SYNE2: variants seen among roughly 807,000 people sequenced by gnomAD.
SYNE2 encodes the protein spectrin repeat containing nuclear envelope protein 2, also known as nesprin-2.
In SYNE2, 431 loss-of-function variants were observed where a neutral mutation model predicts 856.3. That is an observed-to-expected ratio of 0.50 (90% CI 0.47 to 0.55). SYNE2 has a LOEUF of 0.55. SYNE2 is among the 20% of genes least tolerant of loss of function. SYNE2 has a pLI of 0.00. For missense variants in SYNE2, 8,129 were observed against 8,023.2 expected, an observed-to-expected ratio of 1.01 and a Z score of -0.50; for synonymous variants, 2,923 against 2,872.3, an observed-to-expected ratio of 1.02 and a Z score of -0.56.
intron 51 of SYNE2, 42 bp from the exon 52 acceptor site, chr14:64,070,603 G>C: frequency 4.5e-6 from 7 of 1,552,372 alleles, no homozygotes; most frequent in Non-Finnish European, 6.2e-6. Flanking sequence ...AAATGTAATT[G>C]TATATTTTAC....
At position 64,146,198 on chromosome 14, in the gene SYNE2, T is replaced by G. The variant is rs776756543; in HGVS notation, c.15614T>G (p.Val5205Gly). Reference protein sequence around the residue: ...TLQKPESVISVQKLLLDCQDI... With the variant: ...TLQKPESVISGQKLLLDCQDI... ...CAAAAACCTGAAAGTGTGATCTCAG[T>G]GCAGAAGCTGCTCCTGGACTGTCAG... Residue 5205 changes from valine to glycine, a missense_variant, in exon 84 of 116, where the codon GTG becomes GGG. By Grantham distance (109) the Val-to-Gly change is moderately radical. This residue lies in a region of SYNE2 where 5,410 missense variants were observed against 5,284.8 expected (regional missense o/e 1.02). Coordinates refer to ENST00000555002, the MANE Select transcript of SYNE2 (RefSeq NM_182914.3). The G allele has an allele frequency of 6.2e-7, 1 of 1,612,362 alleles. No individual in the cohort carries two copies. Among genetic ancestry groups the G allele is most frequent in the Non-Finnish European group, 8.5e-7 (1 of 1,179,422 alleles).
Position 64,166,246 on chromosome 14 carries a change from A to C in SYNE2, c.16605+836A>C, listed in dbSNP as rs375765215. On this transcript the variant is annotated intron_variant, in intron 90 of 115. Coordinates refer to ENST00000555002, the MANE Select transcript of SYNE2 (RefSeq NM_182914.3). ...ATGCCCTTTCATTTACATATTGTCT[A>C]TTATAGTTTTCACGCTACAAGGGCA... 2.2e-4 allele frequency among the ~76,000 whole-genome samples: 33 copies of C among 152,214 alleles called. 1 individual carries two copies. The highest frequency in any genetic ancestry group is 3.4e-3 in the Middle Eastern group (1 of 294).
intron 59 of SYNE2, 46 bp from the exon 60 acceptor site, chr14:64,090,820 C>A (rs757131323): frequency 6.6e-7 from 1 of 1,508,506 alleles, no homozygotes; most frequent in Non-Finnish European, 9.2e-7. Flanking sequence ...TTAACAGTGG[C>A]CATTGTCTTT....
chr14:63,798,767 A>G (rs774698603), intron 1 of SYNE2, among the ~76,000 whole-genome samples: 3 of 152,038 alleles, frequency 2.0e-5, no homozygotes, highest in Admixed American at 6.6e-5. Flanking sequence ...TTATTTCACT[A>G]TTATCTCCAA....
rs761282832 is a variant in SYNE2, at chr14:64,087,818, A to G, written c.11632A>G (p.Ile3878Val). The change falls in exon 58 of 116, where the codon ATA becomes GTA. Residue 3878 changes from isoleucine (I) to valine (V), a missense_variant. Ile to Val is a conservative substitution (Grantham distance 29). This residue lies in a region of SYNE2 where 5,410 missense variants were observed against 5,284.8 expected (regional missense o/e 1.02). Coordinates refer to ENST00000555002, the MANE Select transcript of SYNE2 (RefSeq NM_182914.3). ...TCAAGTAACAGCTTTACAACAAAAA[A>G]TAATGGAAAGCCTTCCACAGATTCA... is the stretch of plus-strand genomic sequence containing the variant. ...SNQVTALQQKIMESLPQIQRM... is the reference protein window; with the variant it reads ...SNQVTALQQKVMESLPQIQRM... The G allele has an allele frequency of 1.2e-6, 2 of 1,614,128 alleles. No individual in the cohort carries two copies. The highest frequency in any genetic ancestry group is 1.7e-5 in the Admixed American group (1 of 60,026).
intron 1 of SYNE2, among the ~76,000 whole-genome samples, chr14:63,813,999 A>G (rs1174137408): frequency 6.6e-6 from 1 of 151,940 alleles, no homozygotes; most frequent in Admixed American, 6.6e-5. Context: ...CAGAGGTTGC[A>G]GTAAGCCGAG....
intron 64 of SYNE2, 60 bp downstream of exon 64, chr14:64,102,102 T>G: frequency 8.3e-7 from 1 of 1,209,266 alleles, no homozygotes. Context: ...GGAGCAGGGA[T>G]CTCTTTCTGC....
At chr14:63,779,641 G>A (rs2139732385) in intron 1 of SYNE2, among the ~76,000 whole-genome samples, 1 of 152,264 alleles carries the variant, frequency 6.6e-6, no homozygotes, top group South Asian at 2.1e-4. Context: ...ACCGGGCACA[G>A]TGGCCCACAC....
At chr14:64,215,925 G>A in intron 107 of SYNE2, 1 of 1,306,284 alleles carries the variant, frequency 7.7e-7, no homozygotes, top group South Asian at 1.5e-5. Flanking sequence ...TCACTCCTGA[G>A]AGGCCTTCTG....
At chr14:64,140,272 C>G (rs1376560712) in intron 80 of SYNE2, among the ~76,000 whole-genome samples, 199 bp downstream of exon 80, 1 of 152,050 alleles carries the variant, frequency 6.6e-6, no homozygotes, top group Non-Finnish European at 1.5e-5. Flanking sequence ...TTTAATTGAC[C>G]CCATAAAATA....
At chr14:63,917,218 C>T (rs992145320) in intron 2 of SYNE2, among the ~76,000 whole-genome samples, 1 of 152,030 alleles carries the variant, frequency 6.6e-6, no homozygotes, top group Admixed American at 6.6e-5. Context: ...CATGTATTAG[C>T]AGGTAATATT....
intron 1 of SYNE2, among the ~76,000 whole-genome samples, chr14:63,886,784 C>T (rs1291893009): frequency 2.6e-5 from 4 of 152,120 alleles, no homozygotes; most frequent in South Asian, 2.1e-4. Flanking sequence ...CTCAGCCTCC[C>T]GAGTAGCTGG....
chr14:63,998,296 T>C lies in SYNE2; in HGVS notation c.3321T>C (p.Asp1107=). 1 of 1,613,472 alleles carries C rather than the reference T, an allele frequency of 6.2e-7. No individual in the cohort carries two copies. Among genetic ancestry groups the C allele is most frequent in the South Asian group, 1.1e-5 (1 of 91,072 alleles). Residue 1107 remains aspartate (D), a synonymous_variant, in exon 26 of 116, where the codon GAT becomes GAC. Coordinates refer to ENST00000555002, the MANE Select transcript of SYNE2 (RefSeq NM_182914.3). ...AAGAAGAAAGCATTATGGAAAAGGA[T>C]TACAGTGCATCTATAAATAGTTTAC... The part of the protein sequence containing the change: ...PLQEESIMEK[D]YSASINSLLE...
chr14:63,888,551 A>G (rs929770714), intron 1 of SYNE2, among the ~76,000 whole-genome samples: 1 of 152,246 alleles, frequency 6.6e-6, no homozygotes, highest in African/African-American at 2.4e-5. Context: ...ACAGAGCTAA[A>G]GCACAGTGGT....
At chr14:63,807,755 A>G (rs1888419500) in intron 1 of SYNE2, among the ~76,000 whole-genome samples, 2 of 133,116 alleles carry the variant, frequency 1.5e-5, no homozygotes, top group African/African-American at 5.4e-5. Context: ...CCTGGGCTCA[A>G]TGGATCCACC....
chr14:64,220,496 C>G lies in SYNE2; in HGVS notation c.19920C>G (p.Ser6640Arg), dbSNP rs777287720. ...TAGTGGTCTCTGTCAACGTGAGCAGCAAGGAATTTCTGCAAACCGAGAGCC... is the reference window on the plus strand; with the variant it reads ...TAGTGGTCTCTGTCAACGTGAGCAGGAAGGAATTTCTGCAAACCGAGAGCC... ...KALVVSVNVSSKEFLQTESPE... is the reference protein window; with the variant it reads ...KALVVSVNVSRKEFLQTESPE... The change falls in exon 111 of 116, where the codon AGC (serine) becomes AGG (arginine). Residue 6640 changes from serine (S) to arginine (R), a missense_variant. Ser to Arg is a moderately radical substitution (Grantham distance 110). This residue lies in a region of SYNE2 where 5,410 missense variants were observed against 5,284.8 expected (regional missense o/e 1.02). Transcript: ENST00000555002. The G allele has an allele frequency of 6.2e-7, 1 of 1,614,202 alleles. No homozygotes were observed. Among genetic ancestry groups the G allele is most frequent in the East Asian group, 2.2e-5 (1 of 44,890 alleles).
rs1334458294 is a variant in SYNE2 at position 64,134,163 on chromosome 14, CAG to C, written c.14612_14613del (p.Glu4871GlyfsTer42). On this transcript the variant is annotated frameshift_variant, in exon 78 of 116. Coordinates refer to ENST00000555002, the MANE Select transcript of SYNE2 (RefSeq NM_182914.3). LOFTEE classifies it high-confidence loss of function. ...CCCTCTGTGAGTTTGGTGGAAGAAA[CAG>C]AGGAAAGATTAGTGGAAAGGATTTC... is the stretch of plus-strand genomic sequence containing the variant. 1.2e-6 allele frequency: 2 copies of C among 1,614,040 alleles called. No individual in the cohort carries two copies. The highest frequency in any genetic ancestry group is 1.1e-5 in the South Asian group (1 of 91,076).
intron 1 of SYNE2, among the ~76,000 whole-genome samples, chr14:63,768,596 A>T (rs1282501146): frequency 2.0e-5 from 3 of 152,208 alleles, no homozygotes; most frequent in Non-Finnish European, 1.5e-5. Context: ...ATCTATAGCA[A>T]TCAAACATAA....
intron 1 of SYNE2, among the ~76,000 whole-genome samples, chr14:63,885,877 A>G (rs949364934): frequency 2.6e-5 from 4 of 152,224 alleles, no homozygotes; most frequent in African/African-American, 9.7e-5. Context: ...CATCGAGATG[A>G]AGGACAGTAG....
Sources: allele counts gnomAD v4.1 joint callset (sites outside exome capture counted in the v4.1 genomes callset), GRCh38; gene constraint gnomAD v4.1.1; regional missense constraint gnomAD v4.1.1; transcripts MANE v1.5; gene names NCBI Gene and HGNC (gene_info 2026-07-23, HGNC 2026-07-21).